The following OR8B3 variants were observed in gnomAD, a reference collection of about 807,000 sequenced individuals.
OR8B3 encodes the protein olfactory receptor 8B3.
For missense variants in OR8B3, 278 were observed against 377.6 expected (o/e 0.74, Z 2.19); for synonymous variants, 102 against 135.4 (o/e 0.75, Z 1.71).
At chr11:124,403,518 C>T (rs1454122548), upstream of OR8B3, among the ~76,000 whole-genome samples, 3 of 148,930 alleles carry the variant, frequency 2.0e-5, no homozygotes, top group Non-Finnish European at 3.0e-5. Context: ...CCAGACGGGG[C>T]GGCGGGGCAG....
rs1286502753 is a variant in OR8B3, at chr11:124,395,670, A to G, written c.*740T>C. ...GCTGTTTTAGATAGCAATGAATGAA[A>G]GTTTTATAATGTAAACAATGGACCC... On this transcript the variant is annotated 3_prime_UTR_variant, in exon 2 of 2. Coordinates refer to ENST00000641139, the MANE Select transcript of OR8B3 (RefSeq NM_001005467.2). The G allele has an allele frequency of 6.6e-6, 1 of 152,210 alleles. No individual in the cohort carries two copies. The highest frequency in any genetic ancestry group is 1.5e-5 in the Non-Finnish European group (1 of 68,036). The allele number at this position is 152,210 out of a possible 1,614,324, so 9.4% of individuals were successfully genotyped here. A position where few individuals can be genotyped will look rare whatever the true frequency, so the allele number is the denominator to read the frequency against.
upstream of OR8B3, among the ~76,000 whole-genome samples, chr11:124,400,621 C>T (rs964277236): frequency 6.6e-6 from 1 of 152,160 alleles, no homozygotes; most frequent in Non-Finnish European, 1.5e-5. Context: ...TCACGGAAGC[C>T]TTGGCCTCCT....
chr11:124,405,158 C>T, the OR8B3 span: 1 of 152,152 alleles, frequency 6.6e-6, no homozygotes, highest in African/African-American at 2.4e-5. Flanking sequence ...AATGACAGAT[C>T]CTCCCTCTTT....
In OR8B3 at chr11:124,397,941, T is replaced by TGC. The variant is rs532333977; in HGVS notation, c.-17-575_-17-574dup. ...AACTCCTGACCTCAGATGATCCACC[T>TGC]GCCTCAGCCTCCCAAAGTGCTGGAA... On this transcript the variant is annotated intron_variant, in intron 1 of 1. Transcript: ENST00000641139. Among the ~76,000 whole-genome samples, 37 of 152,242 alleles carry TGC rather than the reference T, an allele frequency of 2.4e-4. No individual in the cohort carries two copies. The East Asian group carries it at 6.2e-3, about 25-fold the overall frequency.
the OR8B3 span, among the ~76,000 whole-genome samples, chr11:124,408,958 C>T: frequency 6.6e-6 from 1 of 152,194 alleles, no homozygotes; most frequent in South Asian, 2.1e-4. Context: ...CTGAGAGGAG[C>T]AGTACCTCTG....
At chr11:124,404,126 T>TGGGGAGAGGGAG in the OR8B3 span, 1 of 152,110 alleles carries the variant, frequency 6.6e-6, no homozygotes, top group African/African-American at 2.4e-5. Flanking sequence ...AGGGAGACCG[T>TGGGGAGAGGGAG]GGGGAGAGGG....
In OR8B3 at chr11:124,396,193, C is replaced by A; in HGVS notation, c.*217G>T. On this transcript the variant is annotated 3_prime_UTR_variant, in exon 2 of 2. Coordinates refer to ENST00000641139, the MANE Select transcript of OR8B3 (RefSeq NM_001005467.2). Reference sequence around the variant, plus strand: ...ATGAAAAATATCAGTGCATATGTTCCTTTTACAAAGATGCCATGACCTATT... The same window carrying A: ...ATGAAAAATATCAGTGCATATGTTCATTTTACAAAGATGCCATGACCTATT... The A allele has an allele frequency of 2.0e-6, 1 of 512,756 alleles. No individual in the cohort carries two copies. Among genetic ancestry groups the A allele is most frequent in the South Asian group, 3.1e-5 (1 of 31,804 alleles). 31.8% of individuals were successfully genotyped at this position (512,756 alleles called of 1,614,324 possible). A position where few individuals can be genotyped will look rare whatever the true frequency, so the allele number is the denominator to read the frequency against.
At chr11:124,397,651 A>G (rs1432678254) in intron 1 of OR8B3, among the ~76,000 whole-genome samples, 1 of 150,918 alleles carries the variant, frequency 6.6e-6, no homozygotes, top group East Asian at 1.9e-4. Context: ...GGTTATGTGG[A>G]TGTGTCTCAT....
At chr11:124,398,209 A>G (rs1235772942) in intron 1 of OR8B3, among the ~76,000 whole-genome samples, 1 of 152,200 alleles carries the variant, frequency 6.6e-6, no homozygotes, top group Non-Finnish European at 1.5e-5. Flanking sequence ...TCAAAGCCTT[A>G]TGATTCACCA....
rs745306669 is a variant in OR8B3, at chr11:124,396,866, G to C, written c.486C>G (p.Cys162Trp). The C allele has an allele frequency of 6.2e-7, 1 of 1,608,288 alleles. No individual in the cohort carries two copies. The highest frequency in any genetic ancestry group is 8.5e-7 in the Non-Finnish European group (1 of 1,176,438). The part of the protein sequence containing the change: ...GLAGATAHTG[C>W]MLRLTFCSAN... ...CACTGCAGAAGGTGAGTCTAAGCAT[G>C]CACCCGGTGTGGGCCGTGGCTCCAG... Residue 162 changes from cysteine (C) to tryptophan (W), a missense_variant, in exon 2 of 2, where the codon TGC becomes TGG. Transcript: ENST00000641139.
chr11:124,403,761 C>T (rs1254242722), upstream of OR8B3, among the ~76,000 whole-genome samples: 8 of 152,156 alleles, frequency 5.3e-5, no homozygotes, highest in Non-Finnish European at 1.0e-4. Flanking sequence ...CCAAGGCAGG[C>T]GGCTGGGAGG....
chr11:124,401,226 G>GAGAGAC (rs1860989402), upstream of OR8B3, among the ~76,000 whole-genome samples: 1 of 151,490 alleles, frequency 6.6e-6, no homozygotes, highest in African/African-American at 2.4e-5. Flanking sequence ...AAGAGACAGA[G>GAGAGAC]AGAGAGAGAG....
chr11:124,406,325 A>C, the OR8B3 span, among the ~76,000 whole-genome samples: 1 of 152,184 alleles, frequency 6.6e-6, no homozygotes, highest in Non-Finnish European at 1.5e-5. Context: ...GATTTAGTAC[A>C]TGGAAAGTAT....
At chr11:124,398,239 T>C (rs528716137) in intron 1 of OR8B3, among the ~76,000 whole-genome samples, 1 of 149,890 alleles carries the variant, frequency 6.7e-6, no homozygotes, top group South Asian at 2.1e-4. Flanking sequence ...CACATAAGTG[T>C]TTCTACACAT....
In OR8B3 at chr11:124,397,358, T is replaced by C; in HGVS notation, c.-7A>G. On this transcript the variant is annotated 5_prime_UTR_variant, in exon 2 of 2. Coordinates refer to ENST00000641139, the MANE Select transcript of OR8B3 (RefSeq NM_001005467.2). Reference sequence around the variant, plus strand: ...AGTTGTTTCTAGCCAGCATTTTTTGTCTTCAAAAATCTGGGAAGACAAAAG... The same window carrying C: ...AGTTGTTTCTAGCCAGCATTTTTTGCCTTCAAAAATCTGGGAAGACAAAAG... The C allele has an allele frequency of 8.0e-7, 1 of 1,249,424 alleles. No individual in the cohort carries two copies. The highest frequency in any genetic ancestry group is 1.1e-6 in the Non-Finnish European group (1 of 896,224). 77.4% of individuals were successfully genotyped at this position (1,249,424 alleles called of 1,614,324 possible). A position where few individuals can be genotyped will look rare whatever the true frequency, so the allele number is the denominator to read the frequency against.
In OR8B3 at chr11:124,396,835, T is replaced by C. The variant is rs1860886033; in HGVS notation, c.517A>G (p.Ile173Val). The C allele has an allele frequency of 6.2e-7, 1 of 1,610,932 alleles. No homozygotes were observed. The highest frequency in any genetic ancestry group is 8.5e-7 in the Non-Finnish European group (1 of 1,178,168). Residue 173 changes from isoleucine (I) to valine (V), a missense_variant, in exon 2 of 2, where the codon ATC (isoleucine) becomes GTC (valine). Ile to Val is a conservative substitution (Grantham distance 29, BLOSUM62 3). Coordinates refer to ENST00000641139, the MANE Select transcript of OR8B3 (RefSeq NM_001005467.2). Reference protein sequence around the residue: ...MLRLTFCSANIINHYLCDILP... With the variant: ...MLRLTFCSANVINHYLCDILP... ...ATGTCACACAAGTAATGGTTGATGA[T>C]ATTAGCACTGCAGAAGGTGAGTCTA...
chr11:124,398,728 ATG>A lies in OR8B3; in HGVS notation c.-58_-57del, dbSNP rs1208610068. ...AGAGAACTCAGTGCTGACCATTGAT[ATG>A]TGTTTCACCTCCACTGCCCTGGAGG... On this transcript the variant is annotated 5_prime_UTR_variant, in exon 1 of 2. It removes the in-frame stop codon of an upstream open reading frame in the 5' UTR. Coordinates refer to ENST00000641139, the MANE Select transcript of OR8B3 (RefSeq NM_001005467.2). 1 of 152,184 alleles carries A rather than the reference ATG, an allele frequency of 6.6e-6. No homozygotes were observed. The highest frequency in any genetic ancestry group is 1.5e-5 in the Non-Finnish European group (1 of 68,042). 9.4% of individuals were successfully genotyped at this position (152,184 alleles called of 1,614,324 possible).
chr11:124,408,572 A>C, the OR8B3 span, among the ~76,000 whole-genome samples: 12 of 152,284 alleles, frequency 7.9e-5, no homozygotes, highest in Middle Eastern at 3.4e-3. Context: ...TCTGTCTAAG[A>C]AAAAGCCACA....
upstream of OR8B3, among the ~76,000 whole-genome samples, chr11:124,400,648 C>T (rs1172878913): frequency 6.6e-6 from 1 of 152,114 alleles, no homozygotes; most frequent in Non-Finnish European, 1.5e-5. Context: ...GAGCAATCCT[C>T]TCACCTCTGC....
Sources: gnomAD v4.1 joint callset for allele counts (sites outside exome capture counted in the v4.1 genomes callset) on GRCh38, gnomAD v4.1.1 for gene constraint, MANE v1.5 for transcripts, NCBI Gene and HGNC (gene_info 2026-07-23, HGNC 2026-07-21) for gene names.